Variants in NAV3 observed in about 807,000 individuals in gnomAD.
The protein encoded by NAV3 is neuron navigator 3.
A neutral mutation model predicts 244.7 loss-of-function variants in NAV3; 87 were observed. That is an observed-to-expected ratio of 0.36 (90% CI 0.30 to 0.42). The LOEUF (loss-of-function observed/expected upper bound fraction) is 0.42. NAV3 is among the 20% of genes least tolerant of loss of function. The pLI is 1.00. For synonymous variants in NAV3, 1,126 were observed against 1,042.2 expected (o/e 1.08, Z -1.55); for missense variants, 2,663 against 2,893.3 (o/e 0.92, Z 1.83).
Position 77,994,821 on chromosome 12 carries a change from A to G in NAV3, c.690A>G (p.Ala230=). ...CATACAGTCTGGCAGCCAGATATGC[A>G]ACTCAGTCTAATCACAGTGGAATTG... is the stretch of plus-strand genomic sequence containing the variant. ...DMQSSLAARY[A]TQSNHSGIAT... The change falls in exon 6 of 40, where the codon GCA becomes GCG. Residue 230 remains alanine (A), a synonymous_variant. Coordinates refer to ENST00000397909, the MANE Select transcript of NAV3 (RefSeq NM_001024383.2). The G allele has an allele frequency of 6.2e-7, 1 of 1,611,422 alleles. No homozygotes were observed.
rs776225440 is a variant in NAV3 at position 77,873,744 on chromosome 12, G to GTGTGTGTATATATATATA, written c.243+42041_243+42042insGTGTGTATATATATATAT. ...CTTATCTAAATACATATGTGTGTGT[G>GTGTGTGTATATATATATA]TATATATATATATATATATATATGT... On this transcript the variant is annotated intron_variant, in intron 1 of 39. Transcript: ENST00000397909. 1.5e-3 allele frequency among the ~76,000 whole-genome samples: 108 copies of GTGTGTGTATATATATATA among 73,160 alleles called. 2 individuals are homozygous for GTGTGTGTATATATATATA. Among genetic ancestry groups the GTGTGTGTATATATATATA allele is most frequent in the South Asian group, 2.0e-3 (3 of 1,528 alleles). The allele number at this position is 73,160 out of a possible 152,430, so 48.0% of individuals were successfully genotyped here. A position where few individuals can be genotyped will look rare whatever the true frequency, so the allele number is the denominator to read the frequency against.
chr12:78,190,485 TTC>T (rs755141778), intron 34 of NAV3, among the ~76,000 whole-genome samples: 16 of 152,038 alleles, frequency 1.1e-4, no homozygotes, highest in Non-Finnish European at 1.9e-4. Context: ...ATGGCATGGT[TTC>T]TCTTAGACAT....
chr12:77,781,264 A>C (rs1033714974), intron 2 of NAV3, among the ~76,000 whole-genome samples: 3 of 152,290 alleles, frequency 2.0e-5, no homozygotes, highest in East Asian at 1.9e-4. Flanking sequence ...CATGATGAGA[A>C]TAGGGGATGG....
chr12:78,036,726 T>A, intron 9 of NAV3: 1 of 589,960 alleles, frequency 1.7e-6, no homozygotes, highest in Non-Finnish European at 3.0e-6. Flanking sequence ...ACTATATCTC[T>A]AGAATCTTCT....
At chr12:78,033,235 GC>G (rs112179124) in intron 9 of NAV3, among the ~76,000 whole-genome samples, 3,035 of 147,844 alleles carry the variant, frequency 0.021, 88 homozygotes, top group African/African-American at 0.068. Flanking sequence ...CACTGAAATT[GC>G]CCTTTTTTTT....
chr12:77,890,674 T>A (rs527897167), intron 1 of NAV3, among the ~76,000 whole-genome samples: 1 of 152,308 alleles, frequency 6.6e-6, no homozygotes, highest in South Asian at 2.1e-4. Flanking sequence ...TGCTCTATAT[T>A]GACTCAGAAA....
At chr12:78,100,665 A>G (rs1304959468) in intron 12 of NAV3, among the ~76,000 whole-genome samples, 2 of 151,952 alleles carry the variant, frequency 1.3e-5, no homozygotes, top group Non-Finnish European at 2.9e-5. Flanking sequence ...CTGATTTTCT[A>G]TTGCACTTCT....
intron 23 of NAV3, among the ~76,000 whole-genome samples, chr12:78,164,626 C>T (rs75942642): frequency 1.6e-4 from 24 of 152,094 alleles, no homozygotes; most frequent in Non-Finnish European, 2.9e-4. Flanking sequence ...AAATTATTTA[C>T]ACTACTGGTA....
chr12:77,676,442 A>C (rs1019755018), intron 2 of NAV3, among the ~76,000 whole-genome samples: 32 of 152,060 alleles, frequency 2.1e-4, no homozygotes, highest in African/African-American at 6.8e-4. Flanking sequence ...CATGTCTTAT[A>C]GTGGTTTTTA....
At chr12:77,993,435 CT>C (rs1223065186) in intron 5 of NAV3, among the ~76,000 whole-genome samples, 1 of 152,082 alleles carries the variant, frequency 6.6e-6, no homozygotes, top group African/African-American at 2.4e-5. Context: ...GAATTACTTT[CT>C]GATATTATTA....
At chr12:77,847,862 TC>T (rs1222861546) in intron 1 of NAV3, among the ~76,000 whole-genome samples, 2 of 152,218 alleles carry the variant, frequency 1.3e-5, no homozygotes, top group African/African-American at 4.8e-5. Flanking sequence ...TGTATGAACA[TC>T]CAGCTGGTGC....
intron 2 of NAV3, among the ~76,000 whole-genome samples, chr12:77,699,638 C>T (rs964661574): frequency 6.6e-6 from 1 of 152,002 alleles, no homozygotes; most frequent in Non-Finnish European, 1.5e-5. Context: ...AGGCTGGGCT[C>T]ATCTGGAACT....
intron 2 of NAV3, among the ~76,000 whole-genome samples, chr12:77,746,437 T>C (rs985318998): frequency 6.6e-6 from 1 of 152,148 alleles, no homozygotes; most frequent in African/African-American, 2.4e-5. Context: ...CCTGGCCTAC[T>C]GGGATGTTAA....
chr12:77,689,103 C>T (rs1874889154), intron 2 of NAV3, among the ~76,000 whole-genome samples: 1 of 151,758 alleles, frequency 6.6e-6, no homozygotes, highest in East Asian at 1.9e-4. Context: ...TCAATAGGAC[C>T]AAATATGAAA....
intron 12 of NAV3, among the ~76,000 whole-genome samples, chr12:78,078,373 C>G (rs1383558003): frequency 1.6e-5 from 2 of 125,352 alleles, no homozygotes; most frequent in Non-Finnish European, 3.3e-5. Context: ...ACTCTTTCCA[C>G]TCTTTTTTTT....
chr12:78,122,052 C>G lies in NAV3; in HGVS notation c.3862C>G (p.Leu1288Val), dbSNP rs1472522445. The stretch of plus-strand genomic sequence containing the variant: ...TACCACATTAGCGCGGCAAGGCAGT[C>G]TGGAGTCACCGTCGTCCGGTACGGG... ...PSTTLARQGS[L>V]ESPSSGTGSM... is the part of the protein sequence containing the mutation. The change falls in exon 16 of 40, where the codon CTG (leucine) becomes GTG (valine). Residue 1288 changes from leucine to valine, a missense_variant. Around this residue, in one of 6 missense-constraint regions of NAV3, gnomAD observed 354 missense variants for 413.0 expected, o/e 0.86. Coordinates refer to ENST00000397909, the MANE Select transcript of NAV3 (RefSeq NM_001024383.2). 5 of 1,614,222 alleles carry G rather than the reference C, an allele frequency of 3.1e-6. No individual in the cohort carries two copies. The highest frequency in any genetic ancestry group is 3.3e-5 in the Admixed American group (2 of 60,036).
intron 2 of NAV3, among the ~76,000 whole-genome samples, chr12:77,740,805 A>G (rs1322987835): frequency 6.6e-6 from 1 of 152,168 alleles, no homozygotes; most frequent in Non-Finnish European, 1.5e-5. Flanking sequence ...ATGAGAAGGC[A>G]GAAGTAGAAC....
chr12:78,145,044 G>A (rs1300564594), intron 20 of NAV3: 1 of 309,902 alleles, frequency 3.2e-6, no homozygotes, highest in Non-Finnish European at 6.4e-6. Context: ...TATGTTTTAA[G>A]GCAATGAAAC....
intron 1 of NAV3, among the ~76,000 whole-genome samples, chr12:77,922,569 C>T (rs1887815709): frequency 6.6e-6 from 1 of 152,150 alleles, no homozygotes; most frequent in Non-Finnish European, 1.5e-5. Flanking sequence ...AAGTGCCTTG[C>T]CCTTTCAGAC....
Sources: allele counts gnomAD v4.1 joint callset (sites outside exome capture counted in the v4.1 genomes callset), GRCh38; gene constraint gnomAD v4.1.1; regional missense constraint gnomAD v4.1.1; transcripts MANE v1.5; gene names NCBI Gene and HGNC (gene_info 2026-07-23, HGNC 2026-07-21).